ABCC6: variants seen among roughly 807,000 people sequenced by gnomAD.
ABCC6 encodes the protein ATP binding cassette subfamily C member 6.
A neutral mutation model predicts 169.5 loss-of-function variants in ABCC6; 126 were observed. That is an observed-to-expected ratio of 0.74 (90% CI 0.64 to 0.86). ABCC6 has a LOEUF of 0.86. Among genes scored for constraint, ABCC6 ranks in the 40% least tolerant of loss-of-function variants. The pLI is 0.00. For synonymous variants in ABCC6, 752 were observed against 814.7 expected, an observed-to-expected ratio of 0.92 and a Z score of 1.31; for missense variants, 1,733 against 1,927.2, an observed-to-expected ratio of 0.90 and a Z score of 1.89.
At chr16:16,217,502 G>A (rs1200125458) in intron 4 of ABCC6, among the ~76,000 whole-genome samples, 1 of 152,104 alleles carries the variant, frequency 6.6e-6, no homozygotes, top group East Asian at 1.9e-4. Context: ...TTGAGCCCAG[G>A]AGTTTGAGAC....
chr16:16,183,543 G>C (rs1307620402), intron 15 of ABCC6, among the ~76,000 whole-genome samples: 1 of 152,156 alleles, frequency 6.6e-6, no homozygotes, highest in Non-Finnish European at 1.5e-5. Flanking sequence ...AAGTCCTGAC[G>C]ATCAGGAATG....
At chr16:16,156,874 C>T (rs1201520753) in intron 27 of ABCC6, among the ~76,000 whole-genome samples, 7 of 139,286 alleles carry the variant, frequency 5.0e-5, no homozygotes, top group South Asian at 2.3e-4. Flanking sequence ...ATCTGGGAGG[C>T]GGAGGTTGCA....
intron 10 of ABCC6, among the ~76,000 whole-genome samples, chr16:16,195,439 A>G (rs1026821674): frequency 1.3e-5 from 2 of 149,676 alleles, no homozygotes; most frequent in Non-Finnish European, 1.5e-5. Context: ...CAGCCTCTCT[A>G]GTAGCTGGGA....
At chr16:16,157,935 T>C (rs2152216471) in intron 26 of ABCC6, 126 bp from the exon 27 acceptor site, 1 of 1,070,808 alleles carries the variant, frequency 9.3e-7, no homozygotes, top group Non-Finnish European at 1.3e-6. Context: ...TTTTACAGGG[T>C]TGTTATGGGA....
intron 29 of ABCC6, among the ~76,000 whole-genome samples, chr16:16,152,733 GTGT>G (rs1214530641): frequency 1.8e-5 from 2 of 112,774 alleles, no homozygotes; most frequent in African/African-American, 3.4e-5. Flanking sequence ...GGGGGTGGGG[GTGT>G]GGGGTGGGGG....
chr16:16,191,468 C>T (rs866232979), intron 11 of ABCC6, among the ~76,000 whole-genome samples: 2 of 152,048 alleles, frequency 1.3e-5, no homozygotes, highest in Admixed American at 6.6e-5. Context: ...GAGGAGTCCA[C>T]GCAGGAGGCT....
chr16:16,202,143 G>A lies in ABCC6; in HGVS notation c.1034C>T (p.Pro345Leu), dbSNP rs754261093. 1 of 1,613,812 alleles carries A rather than the reference G, an allele frequency of 6.2e-7. No individual in the cohort carries two copies. Among genetic ancestry groups the A allele is most frequent in the Admixed American group, 1.7e-5 (1 of 59,988 alleles). ...GGCGAGGAGGTAGCCCTTCCAGGCT[G>A]GAGGCTTGGGATCACCAATAAACTC... ...FLEFIGDPKPPAWKGYLLAVL... is the reference protein window; with the variant it reads ...FLEFIGDPKPLAWKGYLLAVL... Residue 345 changes from proline to leucine, a missense_variant, in exon 9 of 31, where the codon CCA becomes CTA. Transcript: ENST00000205557.
rs923203238 is a variant in ABCC6 at position 16,173,284 on chromosome 16, C to T, written c.2787G>A (p.Arg929=). 21 of 1,613,602 alleles carry T rather than the reference C, an allele frequency of 1.3e-5. No homozygotes were observed. The highest frequency in any genetic ancestry group is 1.8e-5 in the Non-Finnish European group (21 of 1,179,916). ...PAGKDSIQYG[R]VKATVHLAYL... ...AGGGGTGGGTGAAGCTGGTGGTTAC[C>T]CTGCCGTATTGGATGCTGTCCTTTC... Residue 929 remains arginine (R), a splice_region_variant and synonymous_variant, in exon 21 of 31, where the codon AGG becomes AGA. Coordinates refer to ENST00000205557, the MANE Select transcript of ABCC6 (RefSeq NM_001171.6).
Position 16,154,899 on chromosome 16 carries a change from G to T in ABCC6, c.4015C>A (p.Arg1339Ser), listed in dbSNP as rs28939702. ...PIAHVGLHTLRSRISIIPQDP... is the reference protein window; with the variant it reads ...PIAHVGLHTLSSRISIIPQDP... ...TGGGGGATGATGCTGATCCTGGAGC[G>T]CAGTGTGTGCAGCCCCACGTGGGCA... is the stretch of plus-strand genomic sequence containing the variant. Residue 1339 changes from arginine to serine, a missense_variant, in exon 28 of 31, where the codon CGC becomes AGC. Arg to Ser is a moderately radical substitution (Grantham distance 110). Around this residue, in one of 5 missense-constraint regions of ABCC6, gnomAD observed 1,601 missense variants for 1,635.5 expected, o/e 0.98. Coordinates refer to ENST00000205557, the MANE Select transcript of ABCC6 (RefSeq NM_001171.6). The T allele has an allele frequency of 6.2e-7, 1 of 1,611,470 alleles. No homozygotes were observed. Among genetic ancestry groups the T allele is most frequent in the Non-Finnish European group, 8.5e-7 (1 of 1,179,074 alleles).
rs1277798362 is a variant in ABCC6 at position 16,202,029 on chromosome 16, G to A, written c.1148C>T (p.Ser383Leu). The stretch of plus-strand genomic sequence containing the variant: ...TCTGTACACCAGGCCAGTGATGGCC[G>A]ACCGCAACCTCATCTGCAGCACCTT... The part of the protein sequence containing the change: ...RLKVLQMRLR[S>L]AITGLVYRKV... The change falls in exon 9 of 31, where the codon TCG (serine) becomes TTG (leucine). Residue 383 changes from serine (S) to leucine (L), a missense_variant. Around this residue, in one of 5 missense-constraint regions of ABCC6, gnomAD observed 1,601 missense variants for 1,635.5 expected, o/e 0.98. Coordinates refer to ENST00000205557, the MANE Select transcript of ABCC6 (RefSeq NM_001171.6). 4 of 1,613,836 alleles carry A rather than the reference G, an allele frequency of 2.5e-6. No individual in the cohort carries two copies. Among genetic ancestry groups the A allele is most frequent in the African/African-American group, 1.3e-5 (1 of 74,922 alleles).
intron 9 of ABCC6, among the ~76,000 whole-genome samples, chr16:16,199,731 C>T (rs1013325631): frequency 7.7e-6 from 1 of 130,296 alleles, no homozygotes; most frequent in Non-Finnish European, 1.8e-5. Context: ...CTTGCTCTCC[C>T]GGGCCTGGAG....
chr16:16,166,266 C>T (rs1455703107), intron 22 of ABCC6, among the ~76,000 whole-genome samples: 3 of 151,952 alleles, frequency 2.0e-5, no homozygotes, highest in Admixed American at 2.0e-4. Context: ...CCAGGCTGGT[C>T]TCGAACTCCT....
At chr16:16,152,384 C>G (rs1410927076) in intron 29 of ABCC6, among the ~76,000 whole-genome samples, 2 of 151,836 alleles carry the variant, frequency 1.3e-5, no homozygotes, top group Non-Finnish European at 1.5e-5. Context: ...TTCCATGAAA[C>G]AGCATCCTTT....
intron 10 of ABCC6, among the ~76,000 whole-genome samples, chr16:16,193,143 A>G (rs2047921341): frequency 1.3e-5 from 2 of 152,196 alleles, no homozygotes; most frequent in Non-Finnish European, 2.9e-5. Flanking sequence ...AACAGGTTGC[A>G]GTAAAGAAGG....
Position 16,150,252 on chromosome 16 carries a change from G to A in ABCC6, c.4404-11C>T. 1 of 1,613,874 alleles carries A rather than the reference G, an allele frequency of 6.2e-7. No homozygotes were observed. ...TCCATGACCAGAACCCTGTGGGGGAGAGGGAGACAGAGAGGCTCTTTGGAC... is the reference window on the plus strand; with the variant it reads ...TCCATGACCAGAACCCTGTGGGGGAAAGGGAGACAGAGAGGCTCTTTGGAC... On this transcript the variant is annotated splice_polypyrimidine_tract_variant and intron_variant, in intron 30 of 30. Coordinates refer to ENST00000205557, the MANE Select transcript of ABCC6 (RefSeq NM_001171.6).
chr16:16,188,688 C>T (rs1472807302), intron 13 of ABCC6, 143 bp downstream of exon 13: 74 of 1,212,436 alleles, frequency 6.1e-5, no homozygotes, highest in South Asian at 5.1e-4. Context: ...TGCCCCTACC[C>T]GCCTCTTTTC....
intron 17 of ABCC6, among the ~76,000 whole-genome samples, chr16:16,179,401 C>T (rs141047935): frequency 2.6e-4 from 39 of 152,032 alleles, no homozygotes; most frequent in African/African-American, 7.2e-4. Flanking sequence ...TGTAACTATT[C>T]GAGGGGCACA....
chr16:16,192,013 G>GA (rs1312830045), intron 11 of ABCC6, among the ~76,000 whole-genome samples: 2 of 152,140 alleles, frequency 1.3e-5, no homozygotes, highest in African/African-American at 2.4e-5. Flanking sequence ...GCTGTGGGGG[G>GA]AAAAAAGCAA....
Position 16,202,067 on chromosome 16 carries a change from G to T in ABCC6, c.1110C>A (p.Asn370Lys). The part of the protein sequence containing the change: ...ACLQTLFEQQ[N>K]MYRLKVLQMR... ...TCTGCAGCACCTTGAGCCTGTACAT[G>T]TTCTGCTGCTCAAACAGCGTTTGCA... Residue 370 changes from asparagine to lysine, a missense_variant, in exon 9 of 31, where the codon AAC becomes AAA. Physicochemically the swap from Asn to Lys is moderately conservative, Grantham distance 94. Transcript: ENST00000205557. 1 of 1,614,012 alleles carries T rather than the reference G, an allele frequency of 6.2e-7. No homozygotes were observed. The highest frequency in any genetic ancestry group is 8.5e-7 in the Non-Finnish European group (1 of 1,179,880).
Sources: gnomAD v4.1 joint callset for allele counts (sites outside exome capture counted in the v4.1 genomes callset) on GRCh38, gnomAD v4.1.1 for gene constraint, gnomAD v4.1.1 regional missense constraint, MANE v1.5 for transcripts, NCBI Gene and HGNC (gene_info 2026-07-23, HGNC 2026-07-21) for gene names.